The following ACOX3 variants were observed in gnomAD, a reference collection of about 807,000 sequenced individuals.
ACOX3 encodes the protein acyl-CoA oxidase 3, pristanoyl.
In ACOX3, 73 loss-of-function variants were observed where a neutral mutation model predicts 81.5. The ratio of observed to expected loss-of-function variants is 0.90; its 90% CI spans 0.74 to 1.09. The LOEUF is 1.09. Among genes scored for constraint, ACOX3 ranks in the 50% least tolerant of loss-of-function variants. The pLI, the probability that ACOX3 is intolerant of heterozygous loss-of-function variation, is 0.00. For synonymous variants in ACOX3, 387 were observed against 375.1 expected (o/e 1.03, Z -0.37); for missense variants, 947 against 928.0 (o/e 1.02, Z -0.27).
At chr4:8,418,642 C>T (rs1054485478) in intron 1 of ACOX3, among the ~76,000 whole-genome samples, 77 of 152,004 alleles carry the variant, frequency 5.1e-4, no homozygotes, top group East Asian at 1.7e-3. Flanking sequence ...GGCGGATCAC[C>T]TGAGGTCAGG....
the ACOX3 span, among the ~76,000 whole-genome samples, chr4:8,361,005 T>C: frequency 6.6e-6 from 1 of 152,092 alleles, no homozygotes; most frequent in African/African-American, 2.4e-5. Context: ...TCACATGTAA[T>C]TAAGACTGCT....
rs1181380074 is a variant in ACOX3, at chr4:8,416,486, C to A, written c.36G>T (p.Leu12=). The change falls in exon 2 of 18, where the codon CTG becomes CTT. Residue 12 remains leucine, a synonymous_variant. Transcript: ENST00000356406. The surrounding 1 kb of genome is among the most constrained non-coding windows in gnomAD (Gnocchi z 4.2). ...ASTVEGGDTA[L]LPEFPRGPLD... is the part of the protein sequence containing the mutation. ...GGGGCCCCCTGGGGAATTCTGGGAG[C>A]AGAGCTGTGTCGCCTCCTTCCACAG... 9.3e-6 allele frequency: 15 copies of A among 1,613,406 alleles called. No homozygotes were observed. The highest frequency in any genetic ancestry group is 1.3e-5 in the Non-Finnish European group (15 of 1,179,648).
the ACOX3 span, chr4:8,356,396 C>T: frequency 2.5e-6 from 1 of 396,564 alleles, no homozygotes; most frequent in African/African-American, 2.1e-5. Context: ...CACAGTGATG[C>T]ATGTGCACGG....
rs186902160 is a variant in ACOX3 at position 8,404,942 on chromosome 4, G to A, written c.776+1013C>T. 9.9e-5 allele frequency among the ~76,000 whole-genome samples: 15 copies of A among 152,244 alleles called. 1 individual carries two copies. The highest frequency in any genetic ancestry group is 2.1e-4 in the South Asian group (1 of 4,808). On this transcript the variant is annotated intron_variant, in intron 7 of 17. Transcript: ENST00000356406. The stretch of plus-strand genomic sequence containing the variant: ...GGATCAGGCTCTCGGGGGAGACAGC[G>A]TGTGGAGTCCAGCATTCGCAGTGAG...
At position 8,410,976 on chromosome 4, in the gene ACOX3, A is replaced by G. The variant is rs552882190; in HGVS notation, c.544-621T>C. Among the ~76,000 whole-genome samples, 9 of 152,312 alleles carry G rather than the reference A, an allele frequency of 5.9e-5. No individual in the cohort carries two copies. The East Asian group carries it at 1.7e-3, about 29-fold the overall frequency. On this transcript the variant is annotated intron_variant, in intron 5 of 17. Transcript: ENST00000356406. ...CTAGAAGGGGTGTGGACAGATCCCCAAGGAACACTGAGGGTGCTGCATGGG... is the reference window on the plus strand; with the variant it reads ...CTAGAAGGGGTGTGGACAGATCCCCGAGGAACACTGAGGGTGCTGCATGGG...
chr4:8,391,291 C>T (rs879822010), intron 11 of ACOX3, among the ~76,000 whole-genome samples: 36 of 152,272 alleles, frequency 2.4e-4, no homozygotes, highest in Non-Finnish European at 4.4e-4. Flanking sequence ...TGAGGGGCCA[C>T]GTTGCTAACA....
At position 8,432,644 on chromosome 4, in the gene ACOX3, G is replaced by C. The variant is rs1272637008; in HGVS notation, c.-15+8004C>G. Among the ~76,000 whole-genome samples the C allele has an allele frequency of 6.6e-6, 1 of 152,174 alleles. No homozygotes were observed. The highest frequency in any genetic ancestry group is 1.5e-5 in the Non-Finnish European group (1 of 68,032). ...GCTGAGGCCCTGGAAGGTAATGGGG[G>C]CTGCTGTGAAGTGGCTGGAGCCATC... On this transcript the variant is annotated intron_variant, in intron 1 of 17. Transcript: ENST00000356406. This position sits in a 1 kb window ranked among gnomAD's most constrained non-coding sequence, Gnocchi z 6.2.
At position 8,394,805 on chromosome 4, in the gene ACOX3, G is replaced by A; in HGVS notation, c.1057-63C>T. 1 of 1,569,482 alleles carries A rather than the reference G, an allele frequency of 6.4e-7. No homozygotes were observed. The highest frequency in any genetic ancestry group is 1.8e-5 in the Admixed American group (1 of 56,652). On this transcript the variant is annotated intron_variant, in intron 9 of 17. Coordinates refer to ENST00000356406, the MANE Select transcript of ACOX3 (RefSeq NM_003501.3). This position sits in a 1 kb window ranked among gnomAD's most constrained non-coding sequence, Gnocchi z 5.9. The stretch of plus-strand genomic sequence containing the variant: ...TTCCCATGAAGGGCAGCCCATCCCA[G>A]GGACCATGAAAGCCAGTGCAGGGAG...
intron 5 of ACOX3, among the ~76,000 whole-genome samples, chr4:8,411,680 T>TC (rs2108962016): frequency 6.6e-6 from 1 of 152,364 alleles, no homozygotes; most frequent in African/African-American, 2.4e-5. Context: ...CTCGACTGTC[T>TC]GGCTGCCTCC....
rs988174900 is a variant in ACOX3 at position 8,410,268 on chromosome 4, C to A, written c.631G>T (p.Ala211Ser). The change falls in exon 6 of 18, where the codon GCT becomes TCT. Residue 211 changes from alanine to serine, a missense_variant. Transcript: ENST00000356406. Reference protein sequence around the residue: ...GKTATHAVVFAKLCVPGDQCH... With the variant: ...GKTATHAVVFSKLCVPGDQCH... ...TGGTCCCCTGGCACACACAGCTTAG[C>A]AAACACCACCGCGTGAGTGGCTGTC... 3.1e-6 allele frequency: 5 copies of A among 1,614,004 alleles called. No homozygotes were observed.
chr4:8,393,896 C>T (rs572022633), intron 10 of ACOX3, among the ~76,000 whole-genome samples: 1 of 152,344 alleles, frequency 6.6e-6, no homozygotes, highest in East Asian at 1.9e-4. Context: ...AGCGCTCCCT[C>T]CTCAGGCCTC....
At chr4:8,401,309 C>T (rs4543095) in intron 7 of ACOX3, among the ~76,000 whole-genome samples, 32,953 of 152,038 alleles carry the variant, frequency 0.22, 4,148 homozygotes, top group African/African-American at 0.35. Context: ...TTTTACTAAA[C>T]CACAGAAGAC....
rs149490762 is a variant in ACOX3 at position 8,430,008 on chromosome 4, G to C, written c.-15+10640C>G. On this transcript the variant is annotated intron_variant, in intron 1 of 17. Coordinates refer to ENST00000356406, the MANE Select transcript of ACOX3 (RefSeq NM_003501.3). The surrounding 1 kb of genome is among the most constrained non-coding windows in gnomAD (Gnocchi z 5.2). ...GGGCAGTGCAGCTCAGTTATGGGGA[G>C]GAGAAAGAGAAGTACAATTTTAAAT... Among the ~76,000 whole-genome samples, 908 of 152,270 alleles carry C rather than the reference G, an allele frequency of 6.0e-3. 4 individuals are homozygous for C. Among genetic ancestry groups the C allele is most frequent in the African/African-American group, 0.011 (475 of 41,546 alleles).
chr4:8,400,804 G>C lies in ACOX3; in HGVS notation c.777-1152C>G, dbSNP rs907291113. On this transcript the variant is annotated intron_variant, in intron 7 of 17. Transcript: ENST00000356406. The surrounding 1 kb of genome is among the most constrained non-coding windows in gnomAD (Gnocchi z 4.4). ...GGCACCAGGGACCGGTTTTATGGAA[G>C]ACAATTTTTCCACGAATGAGGGGGA... Among the ~76,000 whole-genome samples the C allele has an allele frequency of 2.0e-4, 31 of 152,284 alleles. No individual in the cohort carries two copies. Among genetic ancestry groups the C allele is most frequent in the African/African-American group, 7.2e-4 (30 of 41,566 alleles).
At position 8,368,979 on chromosome 4, in the gene ACOX3, C is replaced by T. The variant is rs1715817084; in HGVS notation, c.1984-1899G>A. Among the ~76,000 whole-genome samples the T allele has an allele frequency of 6.6e-6, 1 of 152,154 alleles. No individual in the cohort carries two copies. The highest frequency in any genetic ancestry group is 2.4e-5 in the African/African-American group (1 of 41,428). ...ACAGGTGTGAGCCACCATGCTCAGC[C>T]AGGAATGCACGTTTAATAAACCATC... On this transcript the variant is annotated intron_variant, in intron 17 of 17. Coordinates refer to ENST00000356406, the MANE Select transcript of ACOX3 (RefSeq NM_003501.3). The surrounding 1 kb of genome is among the most constrained non-coding windows in gnomAD (Gnocchi z 5.9).
chr4:8,399,531 C>T lies in ACOX3; in HGVS notation c.873+25G>A, dbSNP rs1171933929. On this transcript the variant is annotated intron_variant, in intron 8 of 17. Coordinates refer to ENST00000356406, the MANE Select transcript of ACOX3 (RefSeq NM_003501.3). This position sits in a 1 kb window ranked among gnomAD's most constrained non-coding sequence, Gnocchi z 4.9. ...AGGAAGGCACCTGGGAAGCACGGCA[C>T]ACGAACGGCCCCCCATGCCTGTACC... 2 of 1,588,110 alleles carry T rather than the reference C, an allele frequency of 1.3e-6. No homozygotes were observed. The highest frequency in any genetic ancestry group is 1.1e-5 in the South Asian group (1 of 90,402).
Position 8,414,901 on chromosome 4 carries a change from C to G in ACOX3, c.406G>C (p.Gly136Arg). The G allele has an allele frequency of 1.2e-6, 2 of 1,614,224 alleles. No individual in the cohort carries two copies. Among genetic ancestry groups the G allele is most frequent in the Non-Finnish European group, 1.7e-6 (2 of 1,180,038 alleles). Residue 136 changes from glycine to arginine, a missense_variant, in exon 4 of 18, where the codon GGT becomes CGT. Physicochemically the swap from Gly to Arg is moderately radical, Grantham distance 125 (BLOSUM62 -2). Coordinates refer to ENST00000356406, the MANE Select transcript of ACOX3 (RefSeq NM_003501.3). The surrounding 1 kb of genome is among the most constrained non-coding windows in gnomAD (Gnocchi z 6.1). ...ATATATGTGAGATGTCTTTCAGAAC[C>G]AGAACTGTAAACTGCTGATCCAAAA... Reference protein sequence around the residue: ...LVFGSAVYSSGSERHLTYIQK... With the variant: ...LVFGSAVYSSRSERHLTYIQK...
intron 16 of ACOX3, among the ~76,000 whole-genome samples, chr4:8,371,894 C>A (rs974059534): frequency 6.6e-6 from 1 of 152,252 alleles, no homozygotes; most frequent in Non-Finnish European, 1.5e-5. Flanking sequence ...CCTACTGTGC[C>A]GTGGAAGCAC....
In ACOX3 at chr4:8,415,336, C is replaced by T. The variant is rs371071936; in HGVS notation, c.379-408G>A. 1.1e-4 allele frequency among the ~76,000 whole-genome samples: 16 copies of T among 152,278 alleles called. No individual in the cohort carries two copies. The East Asian group carries it at 2.9e-3, about 28-fold the overall frequency. On this transcript the variant is annotated intron_variant, in intron 3 of 17. Transcript: ENST00000356406. ...CAAGGCTAAGGGCAAAGCCATTTTGCCCAAGCTCAGCTCTGCTGGTATGTT... is the reference window on the plus strand; with the variant it reads ...CAAGGCTAAGGGCAAAGCCATTTTGTCCAAGCTCAGCTCTGCTGGTATGTT...
Sources: gnomAD v4.1 joint callset for allele counts (sites outside exome capture counted in the v4.1 genomes callset) on GRCh38, gnomAD v4.1.1 for gene constraint, Gnocchi (gnomAD v3.1) non-coding constraint, MANE v1.5 for transcripts, NCBI Gene and HGNC (gene_info 2026-07-23, HGNC 2026-07-21) for gene names.